Variants in PTPRD observed in about 807,000 individuals in gnomAD.
PTPRD encodes the protein protein tyrosine phosphatase receptor type D.
A neutral mutation model predicts 214.5 loss-of-function variants in PTPRD; 34 were observed. The observed-to-expected ratio is 0.16, with a 90% CI of 0.12 to 0.21. The LOEUF (loss-of-function observed/expected upper bound fraction) is 0.21. Among genes scored for constraint, PTPRD ranks in the 10% least tolerant of loss-of-function variants. The probability of loss-of-function intolerance (pLI) is 1.00; values close to 1 mark genes in which losing one functional copy is unlikely to be tolerated. For missense variants in PTPRD, 2,545 were observed against 2,398.7 expected, an observed-to-expected ratio of 1.06 and a Z score of -1.27; for synonymous variants, 1,128 against 845.7, an observed-to-expected ratio of 1.33 and a Z score of -5.79.
At chr9:10,063,639 A>G (rs1418585210) in intron 3 of PTPRD, among the ~76,000 whole-genome samples, 1 of 152,054 alleles carries the variant, frequency 6.6e-6, no homozygotes, top group African/African-American at 2.4e-5. Flanking sequence ...CATTAGTGTC[A>G]TATGTACTTG....
At chr9:8,893,605 T>C (rs1478547069) in intron 11 of PTPRD, among the ~76,000 whole-genome samples, 1 of 152,202 alleles carries the variant, frequency 6.6e-6, no homozygotes, top group Admixed American at 6.5e-5. Context: ...TTGCTACACC[T>C]GCTTTGAGAG....
intron 14 of PTPRD, among the ~76,000 whole-genome samples, chr9:8,562,593 C>A (rs115499837): frequency 2.0e-5 from 3 of 151,964 alleles, no homozygotes; most frequent in African/African-American, 7.2e-5. Flanking sequence ...TGTGCTGCCA[C>A]GCCTGGCTAA....
At chr9:8,944,873 C>G (rs2099054325) in intron 11 of PTPRD, among the ~76,000 whole-genome samples, 1 of 151,784 alleles carries the variant, frequency 6.6e-6, no homozygotes, top group South Asian at 2.1e-4. Flanking sequence ...ATTTGTTGTA[C>G]ATTTTCAAAT....
At chr9:8,921,487 T>G (rs1043070928) in intron 11 of PTPRD, among the ~76,000 whole-genome samples, 2 of 151,086 alleles carry the variant, frequency 1.3e-5, no homozygotes, top group African/African-American at 4.9e-5. Flanking sequence ...TTTTCAAAAG[T>G]TTTCGCATTT....
chr9:9,213,473 T>C (rs1214747789), intron 9 of PTPRD, among the ~76,000 whole-genome samples: 1 of 152,214 alleles, frequency 6.6e-6, no homozygotes, highest in Non-Finnish European at 1.5e-5. Flanking sequence ...ATCACTTCAT[T>C]TAAAACCGCA....
intron 8 of PTPRD, among the ~76,000 whole-genome samples, chr9:9,512,365 C>A (rs113795340): frequency 6.6e-6 from 1 of 151,550 alleles, no homozygotes; most frequent in African/African-American, 2.4e-5. Flanking sequence ...GGCTTCTAAG[C>A]AAGAAAAATA....
chr9:8,705,628 A>C (rs2098189988), intron 12 of PTPRD, among the ~76,000 whole-genome samples: 1 of 152,232 alleles, frequency 6.6e-6, no homozygotes, highest in Admixed American at 6.5e-5. Context: ...CTGCTTCTTA[A>C]GTTAGACAGC....
At position 9,781,107 on chromosome 9, in the gene PTPRD, G is replaced by A. The variant is rs1311122643; in HGVS notation, c.-367-14256C>T. On this transcript the variant is annotated intron_variant, in intron 5 of 45. Transcript: ENST00000381196. Reference sequence around the variant, plus strand: ...AAACTATTCTGCTTGATGCTTTCATGGTGGACATTAGGTATTAGTCAAAAC... The same window carrying A: ...AAACTATTCTGCTTGATGCTTTCATAGTGGACATTAGGTATTAGTCAAAAC... Among the ~76,000 whole-genome samples, 3 of 152,116 alleles carry A rather than the reference G, an allele frequency of 2.0e-5. No individual in the cohort carries two copies. In the East Asian group the frequency reaches 5.8e-4, roughly 29 times the overall value.
intron 11 of PTPRD, among the ~76,000 whole-genome samples, chr9:8,878,218 A>G (rs138849030): frequency 1.2e-4 from 19 of 152,252 alleles, no homozygotes; most frequent in Middle Eastern, 3.4e-3. Context: ...CATTCGTAGG[A>G]GATTGGAAAG....
intron 10 of PTPRD, among the ~76,000 whole-genome samples, chr9:9,094,730 T>A (rs2099781049): frequency 6.6e-6 from 1 of 151,904 alleles, no homozygotes; most frequent in South Asian, 2.1e-4. Context: ...CCTAATAAAT[T>A]TCATAAAATA....
intron 10 of PTPRD, among the ~76,000 whole-genome samples, chr9:9,116,662 C>A (rs1042777108): frequency 3.9e-5 from 6 of 151,986 alleles, no homozygotes; most frequent in African/African-American, 7.3e-5. Flanking sequence ...ACCCAAAAAC[C>A]TTTTATTTAC....
intron 3 of PTPRD, among the ~76,000 whole-genome samples, chr9:10,166,942 A>G (rs1382040079): frequency 6.6e-6 from 1 of 152,078 alleles, no homozygotes; most frequent in Non-Finnish European, 1.5e-5. Context: ...AAATTCTGTA[A>G]GACTATTATT....
At chr9:9,526,014 A>G (rs573070559) in intron 8 of PTPRD, among the ~76,000 whole-genome samples, 1 of 152,260 alleles carries the variant, frequency 6.6e-6, no homozygotes, top group South Asian at 2.1e-4. Flanking sequence ...TATAGTAATA[A>G]TTCACTTTTC....
At chr9:9,809,025 GCCCT>G (rs1358066015) in intron 5 of PTPRD, among the ~76,000 whole-genome samples, 2 of 150,754 alleles carry the variant, frequency 1.3e-5, no homozygotes, top group African/African-American at 4.9e-5. Flanking sequence ...GCCTCAACTG[GCCCT>G]CCCACCTTAG....
rs540971043 is a variant in PTPRD, at chr9:9,371,677, C to T, written c.-203+25772G>A. On this transcript the variant is annotated intron_variant, in intron 9 of 45. Transcript: ENST00000381196. The stretch of plus-strand genomic sequence containing the variant: ...TAGCTTTTGAATGTCTTTGCTCTTG[C>T]TTCTCTAGTTCTTTTAATTGCGATG... 2.0e-5 allele frequency among the ~76,000 whole-genome samples: 3 copies of T among 152,224 alleles called. No individual in the cohort carries two copies. The South Asian group carries it at 6.2e-4, about 32-fold the overall frequency.
intron 7 of PTPRD, among the ~76,000 whole-genome samples, chr9:9,667,774 T>A (rs1025462139): frequency 9.9e-5 from 15 of 152,262 alleles, no homozygotes; most frequent in African/African-American, 3.6e-4. Flanking sequence ...GGTTTTCAGA[T>A]TGATGTCCAG....
At chr9:9,145,346 C>G (rs982356066) in intron 10 of PTPRD, among the ~76,000 whole-genome samples, 1 of 151,960 alleles carries the variant, frequency 6.6e-6, no homozygotes, top group Non-Finnish European at 1.5e-5. Flanking sequence ...AAAAAATTTC[C>G]TTTGATTATT....
chr9:10,216,346 C>A (rs1175453328), intron 3 of PTPRD, among the ~76,000 whole-genome samples: 1 of 151,828 alleles, frequency 6.6e-6, no homozygotes, highest in African/African-American at 2.4e-5. Context: ...TATTCTATTT[C>A]TTAATCTAGG....
chr9:10,126,413 A>G (rs1311143366), intron 3 of PTPRD, among the ~76,000 whole-genome samples: 2 of 140,360 alleles, frequency 1.4e-5, no homozygotes, highest in East Asian at 2.0e-4. Flanking sequence ...CTTAAATAAT[A>G]CTGTTTTATA....
Sources: gnomAD v4.1 joint callset for allele counts (sites outside exome capture counted in the v4.1 genomes callset) on GRCh38, gnomAD v4.1.1 for gene constraint, MANE v1.5 for transcripts, NCBI Gene and HGNC (gene_info 2026-07-23, HGNC 2026-07-21) for gene names.